The following SCYL1 variants were observed in gnomAD, a reference collection of about 807,000 sequenced individuals.
SCYL1 encodes N-terminal kinase-like protein.
Under a neutral mutation model 94.8 loss-of-function variants are expected in SCYL1, and 85 were observed. The observed-to-expected ratio is 0.90, with a 90% confidence interval of 0.75 to 1.07. The LOEUF (loss-of-function observed/expected upper bound fraction) is 1.07, where lower values mean the gene tolerates loss of function less well. Among genes scored for constraint, SCYL1 ranks in the 50% least tolerant of loss-of-function variants. The pLI is 0.00. For synonymous variants in SCYL1, 459 were observed against 435.5 expected, an observed-to-expected ratio of 1.05 and a Z score of -0.67; for missense variants, 968 against 1,083.3, an observed-to-expected ratio of 0.89 and a Z score of 1.49.
In SCYL1 at chr11:65,525,702, C is replaced by T; in HGVS notation, c.240C>T (p.Ile80=). The stretch of plus-strand genomic sequence containing the variant: ...GGCACCCCAACATCCTGGCTTACAT[C>T]GATGGACTGGAGGTACCTGCTGCCT... ...TLRHPNILAY[I]DGLETEKCLH... The change falls in exon 2 of 18, where the codon ATC becomes ATT. Residue 80 remains isoleucine, a synonymous_variant. Transcript: ENST00000270176. 1.2e-6 allele frequency: 2 copies of T among 1,612,800 alleles called. No homozygotes were observed. The highest frequency in any genetic ancestry group is 2.2e-5 in the East Asian group (1 of 44,878).
In SCYL1 at chr11:65,526,904, G is replaced by A. The variant is rs748738279; in HGVS notation, c.693+31G>A. ...TTTCTTGCCCCTGGCTCTTTGCCCT[G>A]CCTCAGCCCCTCTGCCAGCTGGCTA... is the stretch of plus-strand genomic sequence containing the variant. On this transcript the variant is annotated intron_variant, in intron 5 of 17. Coordinates refer to ENST00000270176, the MANE Select transcript of SCYL1 (RefSeq NM_020680.4). The surrounding 1 kb of genome is among the most constrained non-coding windows in gnomAD (Gnocchi z 4.1). The A allele has an allele frequency of 1.4e-5, 23 of 1,611,492 alleles. No individual in the cohort carries two copies. Among genetic ancestry groups the A allele is most frequent in the Non-Finnish European group, 2.0e-5 (23 of 1,178,522 alleles).
intron 6 of SCYL1, among the ~76,000 whole-genome samples, chr11:65,530,046 A>C (rs1043343287): frequency 2.6e-5 from 4 of 152,194 alleles, no homozygotes; most frequent in African/African-American, 9.7e-5. Flanking sequence ...GGAGGACTAA[A>C]GGAGACCGTT....
intron 9 of SCYL1, among the ~76,000 whole-genome samples, chr11:65,533,958 G>T (rs1010244085): frequency 6.6e-6 from 1 of 152,144 alleles, no homozygotes; most frequent in Non-Finnish European, 1.5e-5. Flanking sequence ...GGCTGGGCCC[G>T]GTTGCTCACA....
chr11:65,529,455 G>T (rs1246723162), intron 6 of SCYL1, among the ~76,000 whole-genome samples: 1 of 152,214 alleles, frequency 6.6e-6, no homozygotes, highest in African/African-American at 2.4e-5. Flanking sequence ...GAGTGGTGGG[G>T]AGAACCCAGC....
At position 65,537,996 on chromosome 11, in the gene SCYL1, A is replaced by G; in HGVS notation, c.2061A>G (p.Lys687=). Residue 687 remains lysine, a synonymous_variant, in exon 16 of 18, where the codon AAA becomes AAG. Transcript: ENST00000270176. ...QVSNSDHKSS[K]SPESDWSSWE... ...GCAACTCCGACCACAAATCCTCCAA[A>G]TCCCCAGAGTCCGACTGGAGCAGCT... 6.2e-7 allele frequency: 1 copy of G among 1,612,668 alleles called. No homozygotes were observed. The highest frequency in any genetic ancestry group is 8.5e-7 in the Non-Finnish European group (1 of 1,179,310).
Position 65,525,584 on chromosome 11 carries a change from G to A in SCYL1, c.122G>A (p.Ser41Asn). 6.2e-7 allele frequency: 1 copy of A among 1,612,296 alleles called. No individual in the cohort carries two copies. The highest frequency in any genetic ancestry group is 1.1e-5 in the South Asian group (1 of 91,078). ...GCTGCCCTCCCCTAGGCCACAGGCA[G>A]CCCCGTGTCCATCTTCGTCTATGAT... ...LHRGRKKATG[S>N]PVSIFVYDVK... Residue 41 changes from serine (S) to asparagine (N), a missense_variant, in exon 2 of 18, where the codon AGC (serine) becomes AAC (asparagine). Transcript: ENST00000270176.
rs1024803075 is a variant in SCYL1 at position 65,527,128 on chromosome 11, A to G, written c.849+11A>G. 6.2e-7 allele frequency: 1 copy of G among 1,611,108 alleles called. No homozygotes were observed. The highest frequency in any genetic ancestry group is 8.5e-7 in the Non-Finnish European group (1 of 1,178,054). ...CTGGAGGAGATTCAGGTGAGCCCCC[A>G]ACCCACCCTGGGCTTCGACCCTATC... On this transcript the variant is annotated intron_variant, in intron 6 of 17. Transcript: ENST00000270176.
At chr11:65,536,501 G>A (rs1590741883) in intron 12 of SCYL1, 85 bp from the exon 13 acceptor site, 3 of 1,500,808 alleles carry the variant, frequency 2.0e-6, no homozygotes, top group Non-Finnish European at 2.8e-6. Context: ...AGGGGTGGCT[G>A]CAGGGCACTG....
chr11:65,536,074 G>A lies in SCYL1; in HGVS notation c.1508G>A (p.Cys503Tyr). ...CACAACCTCTACTCAATGAACGACT[G>A]TGCCCAGAAGATCCTGCCTGTGCTC... Reference protein sequence around the residue: ...ATHNLYSMNDCAQKILPVLCG... With the variant: ...ATHNLYSMNDYAQKILPVLCG... The change falls in exon 11 of 18, where the codon TGT (cysteine) becomes TAT (tyrosine). Residue 503 changes from cysteine (C) to tyrosine (Y), a missense_variant. By Grantham distance (194) the Cys-to-Tyr change is radical. Coordinates refer to ENST00000270176, the MANE Select transcript of SCYL1 (RefSeq NM_020680.4). 6.2e-7 allele frequency: 1 copy of A among 1,614,226 alleles called. No homozygotes were observed. The highest frequency in any genetic ancestry group is 8.5e-7 in the Non-Finnish European group (1 of 1,180,028).
intron 12 of SCYL1, 37 bp from the exon 13 acceptor site, chr11:65,536,549 G>A (rs763054798): frequency 6.8e-6 from 11 of 1,610,642 alleles, no homozygotes; most frequent in Non-Finnish European, 9.3e-6. Flanking sequence ...GGTGCCTGAC[G>A]TGCCCATACC....
Position 65,537,727 on chromosome 11 carries a change from C to T in SCYL1, c.1960-82C>T, listed in dbSNP as rs1417595910. 26 of 1,224,728 alleles carry T rather than the reference C, an allele frequency of 2.1e-5. No individual in the cohort carries two copies. The East Asian group carries it at 6.4e-4, about 30-fold the overall frequency. The allele number at this position is 1,224,728 out of a possible 1,614,324, so 75.9% of individuals were successfully genotyped here. On this transcript the variant is annotated intron_variant, in intron 14 of 17. Coordinates refer to ENST00000270176, the MANE Select transcript of SCYL1 (RefSeq NM_020680.4). Reference sequence around the variant, plus strand: ...AGGAAGGCAAAAGACAGTGGTGGGGCCCGTGGCTGGGATGATGCTGGGGCG... The same window carrying T: ...AGGAAGGCAAAAGACAGTGGTGGGGTCCGTGGCTGGGATGATGCTGGGGCG...
Position 65,535,336 on chromosome 11 carries a change from A to C in SCYL1, c.1340A>C (p.Asn447Thr), listed in dbSNP as rs754206470. 3 of 1,614,254 alleles carry C rather than the reference A, an allele frequency of 1.9e-6. No individual in the cohort carries two copies. The highest frequency in any genetic ancestry group is 1.7e-5 in the Admixed American group (1 of 60,030). Residue 447 changes from asparagine (N) to threonine (T), a missense_variant, in exon 10 of 18, where the codon AAC (asparagine) becomes ACC (threonine). By Grantham distance (65) the Asn-to-Thr change is moderately conservative. Coordinates refer to ENST00000270176, the MANE Select transcript of SCYL1 (RefSeq NM_020680.4). Reference sequence around the variant, plus strand: ...GATGAACAGGGCCCCATCCGCTGCAACACCACAGTCTGCCTGGGCAAAATC... The same window carrying C: ...GATGAACAGGGCCCCATCCGCTGCACCACCACAGTCTGCCTGGGCAAAATC... ...AKDEQGPIRC[N>T]TTVCLGKIGS...
chr11:65,538,658 C>A lies in SCYL1; in HGVS notation c.*92C>A. On this transcript the variant is annotated 3_prime_UTR_variant, in exon 18 of 18. Transcript: ENST00000270176. ...TGTGAGCCCGGCCGGCCCAGCCAGG[C>A]CATCTCACGTGTACATAATCAGAGC... is the stretch of plus-strand genomic sequence containing the variant. 1 of 1,407,384 alleles carries A rather than the reference C, an allele frequency of 7.1e-7. No homozygotes were observed. Among genetic ancestry groups the A allele is most frequent in the Admixed American group, 2.2e-5 (1 of 46,372 alleles). 87.2% of individuals were successfully genotyped at this position (1,407,384 alleles called of 1,614,324 possible).
Position 65,525,276 on chromosome 11 carries a change from C to G in SCYL1, c.111+12C>G. 4 of 1,416,348 alleles carry G rather than the reference C, an allele frequency of 2.8e-6. No homozygotes were observed. Among genetic ancestry groups the G allele is most frequent in the Non-Finnish European group, 3.7e-6 (4 of 1,079,900 alleles). The allele number at this position is 1,416,348 out of a possible 1,614,324, so 87.7% of individuals were successfully genotyped here. ...GCGGCCGCAAGAAGGTGAGTGCGGC[C>G]GAGCTCCGTAGGCCGCGGTCGACCT... On this transcript the variant is annotated intron_variant, in intron 1 of 17. Transcript: ENST00000270176.
intron 15 of SCYL1, 43 bp from the exon 16 acceptor site, chr11:65,537,924 C>G: frequency 4.4e-6 from 7 of 1,584,874 alleles, no homozygotes; most frequent in Non-Finnish European, 6.0e-6. Flanking sequence ...GGGCTCTTTC[C>G]TCCTTGGGCC....
Position 65,525,106 on chromosome 11 carries a change from G to C in SCYL1, c.-48G>C. The C allele has an allele frequency of 8.1e-7, 1 of 1,233,022 alleles. No individual in the cohort carries two copies. Among genetic ancestry groups the C allele is most frequent in the Non-Finnish European group, 1.0e-6 (1 of 965,428 alleles). 76.4% of individuals were successfully genotyped at this position (1,233,022 alleles called of 1,614,324 possible). ...CCGCCCCGCCCCGGCTCGGGCGGCC[G>C]GAGGACCCGGAGCTAAGGCGCCCGA... On this transcript the variant is annotated 5_prime_UTR_variant, in exon 1 of 18. Coordinates refer to ENST00000270176, the MANE Select transcript of SCYL1 (RefSeq NM_020680.4).
At chr11:65,527,295 A>G (rs1855135281) in intron 6 of SCYL1, among the ~76,000 whole-genome samples, 178 bp downstream of exon 6, 1 of 152,162 alleles carries the variant, frequency 6.6e-6, no homozygotes, top group South Asian at 2.1e-4. Flanking sequence ...CCTTGGCTGA[A>G]GTTCAGTCCC....
At position 65,525,092 on chromosome 11, in the gene SCYL1, C is replaced by G; in HGVS notation, c.-62C>G. ...GCCCCGCCCCCTCTCCGCCCCGCCC[C>G]GGCTCGGGCGGCCGGAGGACCCGGA... is the stretch of plus-strand genomic sequence containing the variant. On this transcript the variant is annotated 5_prime_UTR_variant, in exon 1 of 18. Transcript: ENST00000270176. The G allele has an allele frequency of 8.6e-7, 1 of 1,161,376 alleles. No homozygotes were observed. The highest frequency in any genetic ancestry group is 1.6e-5 in the African/African-American group (1 of 61,344). The allele number at this position is 1,161,376 out of a possible 1,614,324, so 71.9% of individuals were successfully genotyped here.
chr11:65,536,454 C>T, intron 12 of SCYL1, 120 bp downstream of exon 12: 1 of 1,410,214 alleles, frequency 7.1e-7, no homozygotes, highest in Non-Finnish European at 9.8e-7. Flanking sequence ...ACTCAGCTCC[C>T]CCTTCACAGA....
Sources: gnomAD v4.1 joint callset for allele counts (sites outside exome capture counted in the v4.1 genomes callset) on GRCh38, gnomAD v4.1.1 for gene constraint, Gnocchi (gnomAD v3.1) non-coding constraint, MANE v1.5 for transcripts, NCBI Gene and HGNC (gene_info 2026-07-23, HGNC 2026-07-21) for gene names.